LYG1: variants seen among roughly 807,000 people sequenced by gnomAD.
The protein encoded by LYG1 is lysozyme g-like protein 1.
LYG1 carries 17 observed loss-of-function variants against 21.7 expected under a neutral mutation model. The ratio of observed to expected loss-of-function variants is 0.78; its 90% CI spans 0.54 to 1.18. The LOEUF (loss-of-function observed/expected upper bound fraction) is 1.18, where lower values mean the gene tolerates loss of function less well. LYG1 is among the 50% of genes most tolerant of loss of function. The pLI is 0.00. For missense variants in LYG1, 211 were observed against 238.1 expected (o/e 0.89, Z 0.75); for synonymous variants, 81 against 87.4 (o/e 0.93, Z 0.41).
At chr2:99,291,673 A>G (rs912233693) in intron 4 of LYG1, among the ~76,000 whole-genome samples, 1 of 152,122 alleles carries the variant, frequency 6.6e-6, no homozygotes, top group Non-Finnish European at 1.5e-5. Flanking sequence ...CTGGGCTCTC[A>G]GGGGCTGCTC....
chr2:99,284,850 C>T (rs748123807), intron 5 of LYG1, 30 bp from the exon 6 acceptor site: 47 of 1,609,116 alleles, frequency 2.9e-5, no homozygotes, highest in African/African-American at 9.4e-5. Flanking sequence ...GAAGAAGCCA[C>T]GTAAGCTGGG....
rs1373672610 is a variant in LYG1 at position 99,299,372 on chromosome 2, A to C, written c.-123-823T>G. 2.7e-5 allele frequency among the ~76,000 whole-genome samples: 4 copies of C among 147,660 alleles called. No individual in the cohort carries two copies. The Admixed American group carries it at 2.8e-4, about 10-fold the overall frequency. On this transcript the variant is annotated intron_variant, in intron 1 of 6. Transcript: ENST00000308528. The stretch of plus-strand genomic sequence containing the variant: ...CCCAAAATTGTGGAATCATCTCACC[A>C]TTATAAGCCTGTAAGAATGTCTCAT...
intron 1 of LYG1, among the ~76,000 whole-genome samples, chr2:99,299,725 T>G (rs2094148556): frequency 6.6e-6 from 1 of 151,998 alleles, no homozygotes; most frequent in Admixed American, 6.6e-5. Context: ...GTTTTAAAAT[T>G]ATTTTTAATT....
chr2:99,291,006 G>A (rs1329296010), intron 5 of LYG1, among the ~76,000 whole-genome samples: 2 of 152,182 alleles, frequency 1.3e-5, no homozygotes, highest in African/African-American at 4.8e-5. Context: ...CCAGAATAGG[G>A]TGGCCCGGAT....
intron 6 of LYG1, 80 bp downstream of exon 6, chr2:99,284,608 C>A: frequency 1.9e-6 from 3 of 1,592,608 alleles, no homozygotes; most frequent in Non-Finnish European, 2.6e-6. Context: ...GCTGGAGTTT[C>A]GGGGAATCTG....
intron 1 of LYG1, among the ~76,000 whole-genome samples, chr2:99,299,141 G>A (rs2094146314): frequency 6.6e-6 from 1 of 151,908 alleles, no homozygotes; most frequent in South Asian, 2.1e-4. Flanking sequence ...TGGCCAGGCT[G>A]GTTGAGAACT....
At chr2:99,285,379 T>C (rs2094095930) in intron 5 of LYG1, among the ~76,000 whole-genome samples, 1 of 149,176 alleles carries the variant, frequency 6.7e-6, no homozygotes, top group Non-Finnish European at 1.5e-5. Flanking sequence ...AGACCCTGTC[T>C]TAAAAAAAAA....
chr2:99,288,218 A>G (rs2094107321), intron 5 of LYG1, among the ~76,000 whole-genome samples: 3 of 152,106 alleles, frequency 2.0e-5, no homozygotes, highest in South Asian at 4.1e-4. Context: ...TTGTTATGTC[A>G]TAATTCTCTC....
At chr2:99,292,022 C>T (rs1175277839) in intron 4 of LYG1, among the ~76,000 whole-genome samples, 3 of 152,214 alleles carry the variant, frequency 2.0e-5, no homozygotes, top group Non-Finnish European at 4.4e-5. Context: ...CGCAGTGGCT[C>T]ACACCTGTAA....
chr2:99,284,620 T>A, intron 6 of LYG1, 68 bp downstream of exon 6: 16 of 1,596,018 alleles, frequency 1.0e-5, no homozygotes, highest in Non-Finnish European at 1.1e-5. Flanking sequence ...GGGAATCTGG[T>A]GCAATGTATT....
intron 5 of LYG1, among the ~76,000 whole-genome samples, chr2:99,288,483 C>T (rs796279015): frequency 2.6e-5 from 4 of 152,048 alleles, no homozygotes; most frequent in Admixed American, 6.6e-5. Context: ...TTATTAATAT[C>T]GTGTAGTTGC....
intron 5 of LYG1, among the ~76,000 whole-genome samples, chr2:99,290,201 C>G (rs1233602957): frequency 3.9e-5 from 6 of 152,200 alleles, no homozygotes; most frequent in Non-Finnish European, 7.3e-5. Context: ...GAAATGGACT[C>G]ATCCTTTCCT....
chr2:99,291,094 A>C, intron 5 of LYG1, 143 bp downstream of exon 5: 3 of 685,816 alleles, frequency 4.4e-6, no homozygotes, highest in East Asian at 5.5e-5. Context: ...TGCTGCTCAT[A>C]TCTCTCAGGC....
chr2:99,288,571 A>G (rs1461134196), intron 5 of LYG1, among the ~76,000 whole-genome samples: 1 of 151,664 alleles, frequency 6.6e-6, no homozygotes, highest in Non-Finnish European at 1.5e-5. Flanking sequence ...AACTATTATT[A>G]TTATTAATAT....
chr2:99,302,037 C>G (rs2094156094), upstream of LYG1, among the ~76,000 whole-genome samples: 1 of 152,198 alleles, frequency 6.6e-6, no homozygotes. Context: ...CTCAGCTGAA[C>G]AGCTTGATTT....
chr2:99,294,800 G>C (rs545437372), intron 3 of LYG1, among the ~76,000 whole-genome samples: 1 of 152,200 alleles, frequency 6.6e-6, no homozygotes, highest in African/African-American at 2.4e-5. Context: ...GAGGAACTTT[G>C]CTTCCTCCTT....
At chr2:99,293,755 G>A (rs1039760205) in intron 3 of LYG1, among the ~76,000 whole-genome samples, 4 of 152,106 alleles carry the variant, frequency 2.6e-5, no homozygotes, top group Non-Finnish European at 5.9e-5. Flanking sequence ...ATTCACACAA[G>A]GTGGGTACAC....
At chr2:99,293,602 A>G (rs530297678) in intron 3 of LYG1, among the ~76,000 whole-genome samples, 1 of 152,134 alleles carries the variant, frequency 6.6e-6, no homozygotes, top group South Asian at 2.1e-4. Context: ...TCTCCTTTCC[A>G]TCTCTCTCTA....
In LYG1 at chr2:99,292,451, A is replaced by G. The variant is rs1043027559; in HGVS notation, c.148+85T>C. The G allele has an allele frequency of 4.0e-6, 4 of 1,000,750 alleles. No homozygotes were observed. The African/African-American group carries it at 6.4e-5, about 16-fold the overall frequency. 62.0% of individuals were successfully genotyped at this position (1,000,750 alleles called of 1,614,324 possible). A position where few individuals can be genotyped will look rare whatever the true frequency, so the allele number is the denominator to read the frequency against. ...CAGAGCTTTGGGACCCCATACCCGGAACTCTTTCCAACACTCAGTAGCGTG... is the reference window on the plus strand; with the variant it reads ...CAGAGCTTTGGGACCCCATACCCGGGACTCTTTCCAACACTCAGTAGCGTG... On this transcript the variant is annotated intron_variant, in intron 4 of 6. Coordinates refer to ENST00000308528, the MANE Select transcript of LYG1 (RefSeq NM_174898.3).
Sources: allele counts gnomAD v4.1 joint callset (sites outside exome capture counted in the v4.1 genomes callset), GRCh38; gene constraint gnomAD v4.1.1; transcripts MANE v1.5; gene names NCBI Gene and HGNC (gene_info 2026-07-23, HGNC 2026-07-21).